The following PPP1R9A variants were observed in gnomAD, a reference collection of about 807,000 sequenced individuals.
PPP1R9A encodes neurabin-1.
In PPP1R9A, 59 loss-of-function variants were observed where a neutral mutation model predicts 141.9. That is an observed-to-expected ratio of 0.42 (90% CI 0.34 to 0.52). The LOEUF (loss-of-function observed/expected upper bound fraction) is 0.52, where lower values mean the gene tolerates loss of function less well. PPP1R9A is among the 20% of genes least tolerant of loss of function. PPP1R9A has a pLI of 0.10. For missense variants in PPP1R9A, 1,444 were observed against 1,611.9 expected, an observed-to-expected ratio of 0.90 and a Z score of 1.78; for synonymous variants, 500 against 569.7, an observed-to-expected ratio of 0.88 and a Z score of 1.74.
At chr7:95,026,254 G>A (rs1449413793) in intron 2 of PPP1R9A, among the ~76,000 whole-genome samples, 1 of 152,166 alleles carries the variant, frequency 6.6e-6, no homozygotes, top group African/African-American at 2.4e-5. Flanking sequence ...TTCAGATGGG[G>A]TTTCTGTGTG....
Position 94,911,466 on chromosome 7 carries a change from C to T in PPP1R9A, c.1353C>T (p.Ile451=), listed in dbSNP as rs1791444471. ...TTGGATTGCCAGAAGAAGAAGAAATCCCAGCAAATAGGAAAATTAAGTTTA... is the reference window on the plus strand; with the variant it reads ...TTGGATTGCCAGAAGAAGAAGAAATTCCAGCAAATAGGAAAATTAAGTTTA... ...EIVGLPEEEE[I]PANRKIKFSS... is the part of the protein sequence containing the mutation. The change falls in exon 2 of 20, where the codon ATC becomes ATT. Residue 451 remains isoleucine (I), a synonymous_variant. Coordinates refer to ENST00000433360, the MANE Select transcript of PPP1R9A (RefSeq NM_001166160.2). 1 of 1,612,824 alleles carries T rather than the reference C, an allele frequency of 6.2e-7. No individual in the cohort carries two copies.
At chr7:94,976,344 CTTT>C (rs11400551) in intron 2 of PPP1R9A, among the ~76,000 whole-genome samples, 2 of 137,138 alleles carry the variant, frequency 1.5e-5, no homozygotes. Flanking sequence ...ATGTTTTATT[CTTT>C]TTTTTTTTTT....
intron 2 of PPP1R9A, among the ~76,000 whole-genome samples, chr7:95,063,452 C>A (rs1271390952): frequency 1.3e-5 from 2 of 152,058 alleles, no homozygotes; most frequent in Non-Finnish European, 2.9e-5. Flanking sequence ...GTTATCCCAG[C>A]TACTTGGGAA....
intron 2 of PPP1R9A, among the ~76,000 whole-genome samples, chr7:94,949,441 G>A (rs1431381911): frequency 6.6e-6 from 1 of 152,098 alleles, no homozygotes; most frequent in Non-Finnish European, 1.5e-5. Flanking sequence ...CAGGGAATGG[G>A]ATACTTAGGT....
chr7:95,202,227 T>C (rs542529116), intron 6 of PPP1R9A, among the ~76,000 whole-genome samples: 1 of 152,244 alleles, frequency 6.6e-6, no homozygotes, highest in Admixed American at 6.6e-5. Context: ...TTTCAAACTA[T>C]TTAAATTTCT....
chr7:95,284,082 C>G lies in PPP1R9A; in HGVS notation c.3361C>G (p.Arg1121Gly), dbSNP rs768824695. Residue 1121 changes from arginine (R) to glycine (G), a missense_variant, in exon 17 of 20, where the codon CGT (arginine) becomes GGT (glycine). By Grantham distance (125) the Arg-to-Gly change is moderately radical (BLOSUM62 -2). Transcript: ENST00000433360. ...ATGTTCAACAGCTCAGACCTCCACTCGTTCCCCTTGCATGCCTTTCTCATG... is the reference window on the plus strand; with the variant it reads ...ATGTTCAACAGCTCAGACCTCCACTGGTTCCCCTTGCATGCCTTTCTCATG... ...KPCSTAQTST[R>G]SPCMPFSWFN... is the part of the protein sequence containing the mutation. 2 of 1,597,058 alleles carry G rather than the reference C, an allele frequency of 1.3e-6. No homozygotes were observed. The highest frequency in any genetic ancestry group is 3.3e-5 in the Admixed American group (2 of 59,932).
At chr7:95,057,097 C>T (rs1180052859) in intron 2 of PPP1R9A, among the ~76,000 whole-genome samples, 1 of 152,142 alleles carries the variant, frequency 6.6e-6, no homozygotes, top group East Asian at 1.9e-4. Flanking sequence ...TCAGAAGCCT[C>T]ATTAGGGAAT....
intron 2 of PPP1R9A, among the ~76,000 whole-genome samples, chr7:95,101,543 G>A (rs1204843453): frequency 1.3e-5 from 2 of 152,112 alleles, no homozygotes; most frequent in African/African-American, 4.8e-5. Flanking sequence ...CAGTAAAATG[G>A]CTCAGTCAAG....
At chr7:95,041,433 C>T (rs2151909012) in intron 2 of PPP1R9A, among the ~76,000 whole-genome samples, 1 of 152,254 alleles carries the variant, frequency 6.6e-6, no homozygotes, top group African/African-American at 2.4e-5. Flanking sequence ...AGTTTTATTT[C>T]ATTTGTTATC....
intron 8 of PPP1R9A, among the ~76,000 whole-genome samples, chr7:95,245,222 C>T (rs184660677): frequency 3.8e-4 from 58 of 152,072 alleles, no homozygotes; most frequent in Middle Eastern, 3.4e-3. Context: ...CCCTTTTTTA[C>T]GTTATTAGTT....
intron 17 of PPP1R9A, 26 bp from the exon 18 acceptor site, chr7:95,286,180 A>C (rs368851234): frequency 2.7e-5 from 44 of 1,610,470 alleles, no homozygotes; most frequent in Non-Finnish European, 3.7e-5. Context: ...CACTCATTTA[A>C]CACTGAGCTT....
At chr7:95,252,694 C>CTG (rs1799059352) in intron 12 of PPP1R9A, among the ~76,000 whole-genome samples, 1 of 152,108 alleles carries the variant, frequency 6.6e-6, no homozygotes, top group Non-Finnish European at 1.5e-5. Flanking sequence ...TCTCGAACTC[C>CTG]TGACCTCAGG....
intron 2 of PPP1R9A, among the ~76,000 whole-genome samples, chr7:94,950,594 TTCCGG>T (rs1439346314): frequency 1.3e-5 from 2 of 152,038 alleles, no homozygotes; most frequent in African/African-American, 4.8e-5. Flanking sequence ...ATAATGAATT[TTCCGG>T]TCCTTGGCTA....
chr7:94,912,029 G>T (rs1004433105), intron 2 of PPP1R9A, among the ~76,000 whole-genome samples: 1 of 152,066 alleles, frequency 6.6e-6, no homozygotes, highest in African/African-American at 2.4e-5. Context: ...TTTTTGGGGG[G>T]TACTGCTAGT....
In PPP1R9A at chr7:95,103,660, G is replaced by A. The variant is rs141879068; in HGVS notation, c.1396-7599G>A. ...TGGGATTACAGGCGTGAGCCCCCAC[G>A]CCCAGCCCAACTTCTTGTTCTTTAG... On this transcript the variant is annotated intron_variant, in intron 2 of 19. Coordinates refer to ENST00000433360, the MANE Select transcript of PPP1R9A (RefSeq NM_001166160.2). 6.8e-3 allele frequency among the ~76,000 whole-genome samples: 1,042 copies of A among 152,184 alleles called. 16 individuals carry two copies. Among genetic ancestry groups the A allele is most frequent in the African/African-American group, 0.023 (976 of 41,540 alleles).
chr7:94,980,578 G>A (rs953123481), intron 2 of PPP1R9A, among the ~76,000 whole-genome samples: 1 of 151,718 alleles, frequency 6.6e-6, no homozygotes, highest in South Asian at 2.1e-4. Context: ...TGGGACTACA[G>A]GCGCATGCTA....
chr7:94,924,055 T>C (rs1362444104), intron 2 of PPP1R9A, among the ~76,000 whole-genome samples: 1 of 152,162 alleles, frequency 6.6e-6, no homozygotes, highest in Non-Finnish European at 1.5e-5. Flanking sequence ...GATATATAGA[T>C]GATTGTATAT....
chr7:94,976,497 C>A (rs1266735287), intron 2 of PPP1R9A, among the ~76,000 whole-genome samples: 1 of 151,932 alleles, frequency 6.6e-6, no homozygotes, highest in Non-Finnish European at 1.5e-5. Context: ...TGTGCCACCA[C>A]GTCTGGCTAA....
intron 2 of PPP1R9A, among the ~76,000 whole-genome samples, chr7:94,997,131 A>G (rs932197365): frequency 6.6e-6 from 1 of 152,054 alleles, no homozygotes; most frequent in Non-Finnish European, 1.5e-5. Context: ...TTGGTCTCTA[A>G]AAGTTCCATT....
Sources: allele counts gnomAD v4.1 joint callset (sites outside exome capture counted in the v4.1 genomes callset), GRCh38; gene constraint gnomAD v4.1.1; transcripts MANE v1.5; gene names NCBI Gene and HGNC (gene_info 2026-07-23, HGNC 2026-07-21).